Variants in NEURL1 observed in about 807,000 individuals in gnomAD.
The protein encoded by NEURL1 is neuralized E3 ubiquitin protein ligase 1, also known as E3 ubiquitin-protein ligase NEURL1.
In NEURL1, 26 loss-of-function variants were observed where a neutral mutation model predicts 41.2. The ratio of observed to expected loss-of-function variants is 0.63; its 90% CI spans 0.46 to 0.87. NEURL1 has a LOEUF of 0.87. Among genes scored for constraint, NEURL1 ranks in the 40% least tolerant of loss-of-function variants. The pLI is 0.00. For synonymous variants in NEURL1, 400 were observed against 402.3 expected, an observed-to-expected ratio of 0.99 and a Z score of 0.07; for missense variants, 761 against 871.1, an observed-to-expected ratio of 0.87 and a Z score of 1.59.
At chr10:103,573,486 G>A (rs541031859) in intron 3 of NEURL1, among the ~76,000 whole-genome samples, 2 of 152,212 alleles carry the variant, frequency 1.3e-5, no homozygotes, top group African/African-American at 2.4e-5. Flanking sequence ...GCTGTCATTT[G>A]TCCCCACCCA....
Position 103,508,592 on chromosome 10 carries a change from T to C in NEURL1, c.85+14120T>C, listed in dbSNP as rs2033999312. 6.6e-6 allele frequency among the ~76,000 whole-genome samples: 1 copy of C among 152,140 alleles called. No individual in the cohort carries two copies. Among genetic ancestry groups the C allele is most frequent in the Non-Finnish European group, 1.5e-5 (1 of 68,030 alleles). On this transcript the variant is annotated intron_variant, in intron 1 of 5. Transcript: ENST00000369780. The surrounding 1 kb of genome is among the most constrained non-coding windows in gnomAD (Gnocchi z 4.3). ...TGGAGGGCTGAGAGGGCTTAGCCAG[T>C]GCCTGAGAGGGGCAGAAGGGGTTTT...
chr10:103,561,384 C>G lies in NEURL1; in HGVS notation c.86-9488C>G, dbSNP rs1384091025. ...TCAAGCAATTCTCCTGCCTCAGCCT[C>G]CCAAGTAGCTGGGATTACAGGTGCC... On this transcript the variant is annotated intron_variant, in intron 1 of 5. Transcript: ENST00000369780. Among the ~76,000 whole-genome samples, 3 of 152,094 alleles carry G rather than the reference C, an allele frequency of 2.0e-5. No homozygotes were observed. The East Asian group carries it at 5.8e-4, about 29-fold the overall frequency.
At position 103,553,486 on chromosome 10, in the gene NEURL1, C is replaced by T. The variant is rs990942647; in HGVS notation, c.86-17386C>T. ...GGCTGCCTTGTGCGGACTCGGGTGTCGTGGCTTCTCCCGGAAGTCGTGGGC... is the reference window on the plus strand; with the variant it reads ...GGCTGCCTTGTGCGGACTCGGGTGTTGTGGCTTCTCCCGGAAGTCGTGGGC... On this transcript the variant is annotated intron_variant, in intron 1 of 5. Coordinates refer to ENST00000369780, the MANE Select transcript of NEURL1 (RefSeq NM_004210.5). 3.3e-5 allele frequency among the ~76,000 whole-genome samples: 5 copies of T among 151,542 alleles called. No individual in the cohort carries two copies. The East Asian group carries it at 5.8e-4, about 18-fold the overall frequency.
intron 3 of NEURL1, chr10:103,578,004 G>C (rs2035701892): frequency 6.6e-6 from 1 of 152,212 alleles, no homozygotes; most frequent in African/African-American, 2.4e-5. Context: ...GGGCCTTGGA[G>C]AGAGTGGTGG....
chr10:103,587,554 G>T (rs939007197), intron 4 of NEURL1, among the ~76,000 whole-genome samples: 1 of 152,158 alleles, frequency 6.6e-6, no homozygotes, highest in South Asian at 2.1e-4. Context: ...ATGTATGAAG[G>T]GTCATTATTA....
intron 1 of NEURL1, among the ~76,000 whole-genome samples, chr10:103,522,434 C>A (rs1294728667): frequency 3.4e-5 from 5 of 147,888 alleles, no homozygotes; most frequent in African/African-American, 1.0e-4. Context: ...GTGAAGAAAC[C>A]CCATCTCTAC....
In NEURL1 at chr10:103,503,959, T is replaced by TTTTTTTTA. The variant is rs375127429; in HGVS notation, c.85+9490_85+9491insTTTTATTT. 6.3e-3 allele frequency among the ~76,000 whole-genome samples: 859 copies of TTTTTTTTA among 136,076 alleles called. 1 individual carries two copies. Among genetic ancestry groups the TTTTTTTTA allele is most frequent in the Non-Finnish European group, 9.7e-3 (608 of 62,870 alleles). 89.3% of individuals were successfully genotyped at this position (136,076 alleles called of 152,430 possible). The stretch of plus-strand genomic sequence containing the variant: ...TGTGCACCATCATGCCTGGCTAGTA[T>TTTTTTTTA]TTTATTTATTTATTTATTTATTTAT... On this transcript the variant is annotated intron_variant, in intron 1 of 5. Coordinates refer to ENST00000369780, the MANE Select transcript of NEURL1 (RefSeq NM_004210.5).
rs145220777 is a variant in NEURL1, at chr10:103,564,301, C to T, written c.86-6571C>T. Reference sequence around the variant, plus strand: ...CAGCCTCGCCTGAGGAGGGTGCCCCCACTGGGGCTCCCAAGAAGCCTGTAA... The same window carrying T: ...CAGCCTCGCCTGAGGAGGGTGCCCCTACTGGGGCTCCCAAGAAGCCTGTAA... On this transcript the variant is annotated intron_variant, in intron 1 of 5. Transcript: ENST00000369780. Among the ~76,000 whole-genome samples the T allele has an allele frequency of 1.3e-3, 200 of 152,310 alleles. 1 individual carries two copies. Among genetic ancestry groups the T allele is most frequent in the African/African-American group, 4.6e-3 (190 of 41,560 alleles).
chr10:103,576,477 G>A (rs1365795613), intron 3 of NEURL1, among the ~76,000 whole-genome samples: 1 of 152,142 alleles, frequency 6.6e-6, no homozygotes, highest in Non-Finnish European at 1.5e-5. Context: ...AGCCATGAGA[G>A]CTGAAAGCTT....
intron 1 of NEURL1, among the ~76,000 whole-genome samples, chr10:103,498,901 G>A (rs1184905653): frequency 1.3e-5 from 2 of 152,212 alleles, no homozygotes; most frequent in Non-Finnish European, 2.9e-5. Flanking sequence ...ATATTCTATT[G>A]TAAGAGTATG....
At chr10:103,495,366 G>C (rs2986042) in intron 1 of NEURL1, among the ~76,000 whole-genome samples, 146,570 of 152,352 alleles carry the variant, frequency 0.96, 70,564 homozygotes, top group East Asian at 1. Context: ...TGGGCTTTCA[G>C]AAAGAATACC....
At chr10:103,529,083 G>T (rs1165645614) in intron 1 of NEURL1, among the ~76,000 whole-genome samples, 2 of 152,066 alleles carry the variant, frequency 1.3e-5, no homozygotes, top group Non-Finnish European at 2.9e-5. Flanking sequence ...CTAATAACAG[G>T]TGTACCATAG....
intron 1 of NEURL1, among the ~76,000 whole-genome samples, chr10:103,510,879 C>A (rs1208095498): frequency 6.6e-6 from 1 of 152,248 alleles, no homozygotes; most frequent in African/African-American, 2.4e-5. Flanking sequence ...TTGCTCAAGA[C>A]CCCCCTAGAA....
chr10:103,506,533 C>G (rs567015127), intron 1 of NEURL1, among the ~76,000 whole-genome samples: 1 of 151,914 alleles, frequency 6.6e-6, no homozygotes, highest in East Asian at 1.9e-4. Flanking sequence ...CCTTCTTCCT[C>G]CTCCTCCTCC....
chr10:103,498,768 G>T (rs2986048), intron 1 of NEURL1, among the ~76,000 whole-genome samples: 1 of 152,128 alleles, frequency 6.6e-6, no homozygotes, highest in Admixed American at 6.5e-5. Flanking sequence ...TATTCCAGGC[G>T]TTTAATATAC....
intron 3 of NEURL1, among the ~76,000 whole-genome samples, chr10:103,574,889 C>G (rs991441788): frequency 3.2e-4 from 49 of 152,308 alleles, no homozygotes; most frequent in African/African-American, 1.1e-3. Flanking sequence ...GATTCCGTCC[C>G]AGCCGTAAAT....
chr10:103,515,492 T>G (rs966200234), intron 1 of NEURL1: 4 of 152,262 alleles, frequency 2.6e-5, no homozygotes, highest in African/African-American at 9.6e-5. Flanking sequence ...GGGTAGGAGA[T>G]GCTGCATTGT....
At chr10:103,519,281 C>G (rs2034290730) in intron 1 of NEURL1, among the ~76,000 whole-genome samples, 1 of 151,670 alleles carries the variant, frequency 6.6e-6, no homozygotes, top group Non-Finnish European at 1.5e-5. Flanking sequence ...GAAAAAAACA[C>G]TTTTTTAAAA....
At chr10:103,569,938 C>T (rs1358068275) in intron 1 of NEURL1, among the ~76,000 whole-genome samples, 2 of 152,154 alleles carry the variant, frequency 1.3e-5, no homozygotes, top group East Asian at 3.9e-4. Context: ...CAGACCAAAG[C>T]CAACACAGAG....
Sources: allele counts gnomAD v4.1 joint callset (sites outside exome capture counted in the v4.1 genomes callset), GRCh38; gene constraint gnomAD v4.1.1; non-coding constraint Gnocchi (gnomAD v3.1); transcripts MANE v1.5; gene names NCBI Gene and HGNC (gene_info 2026-07-23, HGNC 2026-07-21).